The following UGT1A5 variants were observed in gnomAD, a reference collection of about 807,000 sequenced individuals.
The protein encoded by UGT1A5 is UDP glucuronosyltransferase family 1 member A5.
UGT1A5 carries 29 observed loss-of-function variants against 40.3 expected under a neutral mutation model. That is an observed-to-expected ratio of 0.72 (90% CI 0.54 to 0.98). UGT1A5 has a LOEUF of 0.98. Among genes scored for constraint, UGT1A5 ranks in the 50% least tolerant of loss-of-function variants. The pLI is 0.00. For synonymous variants in UGT1A5, 257 were observed against 262.5 expected (o/e 0.98, Z 0.20); for missense variants, 678 against 677.9 (o/e 1.00, Z 0.00).
intron 1 of UGT1A5, chr2:233,718,953 C>A (rs369434904): frequency 1.2e-6 from 2 of 1,614,166 alleles, no homozygotes; most frequent in East Asian, 4.5e-5. Flanking sequence ...GCTCAGCATG[C>A]GGGAGGCCTT....
intron 1 of UGT1A5, among the ~76,000 whole-genome samples, chr2:233,722,802 C>T (rs1232837199): frequency 1.3e-5 from 2 of 150,390 alleles, no homozygotes; most frequent in East Asian, 3.9e-4. Context: ...AGTCATCTCC[C>T]TCTTATTTTT....
intron 2 of UGT1A5, 111 bp downstream of exon 2, chr2:233,767,276 C>CGGAA (rs1699353550): frequency 6.3e-7 from 1 of 1,578,136 alleles, no homozygotes; most frequent in Non-Finnish European, 8.5e-7. Context: ...TTGGCTTTTC[C>CGGAA]CTGCCACTTC....
chr2:233,737,179 C>T (rs2078848793), intron 1 of UGT1A5, among the ~76,000 whole-genome samples: 1 of 152,230 alleles, frequency 6.6e-6, no homozygotes, highest in South Asian at 2.1e-4. Context: ...TCTATAGCGG[C>T]AGTAGCCCTT....
At chr2:233,747,862 C>T in intron 1 of UGT1A5, 1 of 1,613,544 alleles carries the variant, frequency 6.2e-7, no homozygotes, top group Non-Finnish European at 8.5e-7. Context: ...ATGCTCTACC[C>T]TCTGGCCCTG....
chr2:233,759,778 A>G (rs2125976593), intron 1 of UGT1A5, among the ~76,000 whole-genome samples: 1 of 152,308 alleles, frequency 6.6e-6, no homozygotes, highest in South Asian at 2.1e-4. Flanking sequence ...TGTTGGACGA[A>G]GGAATGAAAC....
chr2:233,750,536 C>T (rs1250970148), intron 1 of UGT1A5: 1 of 151,960 alleles, frequency 6.6e-6, no homozygotes, highest in Non-Finnish European at 1.5e-5. Flanking sequence ...AAAATGGCTT[C>T]AGTGCACATC....
chr2:233,743,938 A>T (rs754327674), intron 1 of UGT1A5: 2 of 1,356,166 alleles, frequency 1.5e-6, no homozygotes, highest in Admixed American at 1.9e-5. Context: ...AGAACGGCCC[A>T]CCAGGCACTG....
intron 1 of UGT1A5, among the ~76,000 whole-genome samples, chr2:233,766,262 CCCGGG>C (rs2126023646): frequency 2.9e-5 from 2 of 68,082 alleles, no homozygotes; most frequent in East Asian, 5.0e-4. Flanking sequence ...CGCTCAGTGG[CCCGGG>C]CTCGGTGGCC....
At position 233,751,264 on chromosome 2, in the gene UGT1A5, CT is replaced by C. The variant is rs1248433988; in HGVS notation, c.868-15763del. Among the ~76,000 whole-genome samples the C allele has an allele frequency of 2.6e-5, 4 of 151,986 alleles. No homozygotes were observed. The East Asian group carries it at 7.7e-4, about 29-fold the overall frequency. On this transcript the variant is annotated intron_variant, in intron 1 of 4. Coordinates refer to ENST00000373414, the MANE Select transcript of UGT1A5 (RefSeq NM_019078.2). ...GGACTTGCATGGGGCCTGTAGCCCC[CT>C]TTTTTTGGCCAGTTTCTCCCATTTG...
intron 1 of UGT1A5, among the ~76,000 whole-genome samples, chr2:233,739,298 C>T (rs11691827): frequency 0.094 from 14,308 of 152,206 alleles, 1,367 homozygotes; most frequent in African/African-American, 0.26. Flanking sequence ...CACTGGGGCA[C>T]TGCCTAGTGG....
chr2:233,729,230 C>T, intron 1 of UGT1A5: 2 of 1,614,168 alleles, frequency 1.2e-6, no homozygotes, highest in Non-Finnish European at 1.7e-6. Context: ...TTGGTGGTGC[C>T]CATTGATGGC....
In UGT1A5 at chr2:233,772,466, C is replaced by T. The variant is rs1700524185; in HGVS notation, c.1512C>T (p.Ala504=). 6.2e-7 allele frequency: 1 copy of T among 1,614,030 alleles called. No individual in the cohort carries two copies. The highest frequency in any genetic ancestry group is 1.3e-5 in the African/African-American group (1 of 74,904). The change falls in exon 5 of 5, where the codon GCC becomes GCT. Residue 504 remains alanine, a synonymous_variant. Transcript: ENST00000373414. ...GFLLAVVLTV[A]FITFKCCAYG... Reference sequence around the variant, plus strand: ...TCTTGGCCGTCGTGCTGACAGTGGCCTTCATCACCTTTAAATGTTGTGCTT... The same window carrying T: ...TCTTGGCCGTCGTGCTGACAGTGGCTTTCATCACCTTTAAATGTTGTGCTT...
At position 233,713,423 on chromosome 2, in the gene UGT1A5, T is replaced by C; in HGVS notation, c.432T>C (p.Thr144=). 6.2e-7 allele frequency: 1 copy of C among 1,614,200 alleles called. No individual in the cohort carries two copies. ...NEALIRHLHA[T]SFDVVLTDPF... is the part of the protein sequence containing the mutation. Reference sequence around the variant, plus strand: ...CCCTGATCAGGCACCTGCATGCTACTTCCTTTGATGTGGTTCTAACAGACC... The same window carrying C: ...CCCTGATCAGGCACCTGCATGCTACCTCCTTTGATGTGGTTCTAACAGACC... The change falls in exon 1 of 5, where the codon ACT becomes ACC. Residue 144 remains threonine, a synonymous_variant. Coordinates refer to ENST00000373414, the MANE Select transcript of UGT1A5 (RefSeq NM_019078.2).
chr2:233,766,749 C>T (rs756688417), intron 1 of UGT1A5, among the ~76,000 whole-genome samples: 1 of 152,132 alleles, frequency 6.6e-6, no homozygotes, highest in Non-Finnish European at 1.5e-5. Context: ...CAGGTGTGTG[C>T]ATGTGTGTGC....
At chr2:233,760,220 G>C (rs1697349973) in intron 1 of UGT1A5, 2 of 1,593,686 alleles carry the variant, frequency 1.3e-6, no homozygotes, top group South Asian at 2.2e-5. Flanking sequence ...TTGGTGTATC[G>C]ATTGGTTTTT....
intron 1 of UGT1A5, among the ~76,000 whole-genome samples, chr2:233,766,325 G>C (rs574966930): frequency 6.6e-6 from 1 of 152,110 alleles, no homozygotes; most frequent in African/African-American, 2.4e-5. Flanking sequence ...GCCAAACTCC[G>C]CGTTGTTCTG....
At chr2:233,724,824 G>A (rs1386605275) in intron 1 of UGT1A5, among the ~76,000 whole-genome samples, 24 of 135,740 alleles carry the variant, frequency 1.8e-4, no homozygotes, top group African/African-American at 7.1e-4. Context: ...TGCAATCTCG[G>A]CACTTTGGGA....
intron 1 of UGT1A5, among the ~76,000 whole-genome samples, chr2:233,758,599 C>A (rs1696920593): frequency 6.6e-6 from 1 of 152,110 alleles, no homozygotes; most frequent in Admixed American, 6.5e-5. Flanking sequence ...TGGGGAGGAG[C>A]TTCAGTGTGC....
intron 1 of UGT1A5, chr2:233,747,860 C>T (rs1402748758): frequency 6.2e-6 from 10 of 1,613,422 alleles, no homozygotes; most frequent in Non-Finnish European, 5.9e-6. Context: ...ACATGCTCTA[C>T]CCTCTGGCCC....
Sources: gnomAD v4.1 joint callset for allele counts (sites outside exome capture counted in the v4.1 genomes callset) on GRCh38, gnomAD v4.1.1 for gene constraint, MANE v1.5 for transcripts, NCBI Gene and HGNC (gene_info 2026-07-23, HGNC 2026-07-21) for gene names.